SCLT1: variants seen among roughly 807,000 people sequenced by gnomAD.
SCLT1 encodes sodium channel-associated protein 1.
Under a neutral mutation model 112.8 loss-of-function variants are expected in SCLT1, and 78 were observed. The observed-to-expected ratio is 0.69, with a 90% CI of 0.58 to 0.83. SCLT1 has a LOEUF of 0.83. SCLT1 is among the 40% of genes least tolerant of loss of function. SCLT1 has a pLI of 0.00. For synonymous variants in SCLT1, 257 were observed against 254.7 expected (o/e 1.01, Z -0.09); for missense variants, 747 against 770.4 (o/e 0.97, Z 0.36).
intron 2 of SCLT1, among the ~76,000 whole-genome samples, chr4:129,076,029 C>T (rs1751434284): frequency 6.6e-6 from 1 of 152,126 alleles, no homozygotes; most frequent in Middle Eastern, 3.4e-3. Flanking sequence ...CTTCTATGAC[C>T]TTTCTATCAA....
intron 13 of SCLT1, 125 bp from the exon 14 acceptor site, chr4:128,952,965 A>G: frequency 1.6e-6 from 1 of 625,660 alleles, no homozygotes; most frequent in East Asian, 2.8e-5. Context: ...TAAAAGACAA[A>G]TAAGCACATA....
intron 10 of SCLT1, among the ~76,000 whole-genome samples, chr4:128,966,302 A>C (rs926838438): frequency 6.6e-6 from 1 of 151,952 alleles, no homozygotes; most frequent in Non-Finnish European, 1.5e-5. Flanking sequence ...GCTTTTAGCT[A>C]TATCTGTTTG....
chr4:128,954,647 T>C (rs537371226), intron 13 of SCLT1, among the ~76,000 whole-genome samples: 1 of 152,198 alleles, frequency 6.6e-6, no homozygotes. Flanking sequence ...ATGTAGACTT[T>C]TCCTATGAAT....
chr4:128,882,868 C>T (rs552517723), downstream of SCLT1, among the ~76,000 whole-genome samples: 1 of 152,118 alleles, frequency 6.6e-6, no homozygotes, highest in Admixed American at 6.5e-5. Context: ...ATGCAGATGC[C>T]AGACACGGTG....
chr4:128,981,188 T>G (rs893110365), intron 9 of SCLT1, among the ~76,000 whole-genome samples: 1 of 152,154 alleles, frequency 6.6e-6, no homozygotes, highest in Non-Finnish European at 1.5e-5. Context: ...TGGTAAGATA[T>G]CAGATCTAAC....
intron 8 of SCLT1, among the ~76,000 whole-genome samples, chr4:128,992,456 T>C (rs984743902): frequency 6.6e-6 from 1 of 151,944 alleles, no homozygotes; most frequent in African/African-American, 2.4e-5. Context: ...CATTCCTGTC[T>C]TATGGCTTTC....
chr4:129,043,328 G>A (rs1277251536), intron 4 of SCLT1, 67 bp downstream of exon 4: 2 of 797,626 alleles, frequency 2.5e-6, no homozygotes, highest in Non-Finnish European at 4.2e-6. Context: ...TTAAAAAGAG[G>A]GAGTCTATTT....
At chr4:128,923,670 T>C (rs1736058355) in intron 18 of SCLT1, among the ~76,000 whole-genome samples, 1 of 151,876 alleles carries the variant, frequency 6.6e-6, no homozygotes, top group African/African-American at 2.4e-5. Context: ...TTGAGATTCA[T>C]CCATGTTGTT....
intron 4 of SCLT1, among the ~76,000 whole-genome samples, chr4:129,040,687 A>G (rs899396523): frequency 6.6e-6 from 1 of 152,152 alleles, no homozygotes; most frequent in African/African-American, 2.4e-5. Flanking sequence ...CTTCCCTACT[A>G]TTTATATTTT....
At chr4:128,885,453 T>A (rs575553337) in intron 20 of SCLT1, among the ~76,000 whole-genome samples, 68 of 152,334 alleles carry the variant, frequency 4.5e-4, no homozygotes, top group African/African-American at 1.6e-3. Flanking sequence ...ACACTTTTCA[T>A]CTTGTGTTTT....
At chr4:129,017,119 T>C (rs945781593) in intron 5 of SCLT1, among the ~76,000 whole-genome samples, 7 of 152,168 alleles carry the variant, frequency 4.6e-5, no homozygotes, top group Non-Finnish European at 1.0e-4. Context: ...CTTGAAAATA[T>C]AGCTTAAAAA....
chr4:129,043,865 G>C, intron 3 of SCLT1, 128 bp downstream of exon 3: 1 of 603,370 alleles, frequency 1.7e-6, no homozygotes. Flanking sequence ...GCTTTTTCTT[G>C]TCAATTCAAG....
chr4:129,041,141 A>C (rs1747664374), intron 4 of SCLT1, among the ~76,000 whole-genome samples: 1 of 152,234 alleles, frequency 6.6e-6, no homozygotes, highest in South Asian at 2.1e-4. Flanking sequence ...CAGCAACTTT[A>C]AATTCACTAG....
chr4:128,906,876 T>C (rs550523162), intron 18 of SCLT1, among the ~76,000 whole-genome samples: 34 of 152,140 alleles, frequency 2.2e-4, no homozygotes, highest in Non-Finnish European at 4.7e-4. Context: ...AGGCTTAAAA[T>C]AGGTAGCAAA....
intron 2 of SCLT1, among the ~76,000 whole-genome samples, chr4:129,070,207 CT>C (rs776654741): frequency 5.7e-4 from 87 of 152,188 alleles, no homozygotes; most frequent in Admixed American, 9.2e-4. Flanking sequence ...GGACATTGGT[CT>C]GTAGTTTTCT....
intron 18 of SCLT1, among the ~76,000 whole-genome samples, chr4:128,904,449 A>C (rs891064762): frequency 2.0e-5 from 3 of 152,196 alleles, no homozygotes; most frequent in African/African-American, 7.2e-5. Flanking sequence ...GTATGTATTA[A>C]AAAATTAAAT....
chr4:128,947,248 T>C (rs1379140338), intron 15 of SCLT1, among the ~76,000 whole-genome samples: 8 of 152,192 alleles, frequency 5.3e-5, no homozygotes. Context: ...AAAAGCCTTT[T>C]CCTTAACCTT....
intron 9 of SCLT1, among the ~76,000 whole-genome samples, chr4:128,975,039 A>AATTTTTTTTTTTT (rs1579564140): frequency 1.7e-5 from 1 of 60,132 alleles, no homozygotes; most frequent in African/African-American, 1.2e-4. Flanking sequence ...TTGAATGACA[A>AATTTTTTTTTTTT]CTTTTTTTTT....
At chr4:128,897,055 C>T (rs576501683) in intron 18 of SCLT1, among the ~76,000 whole-genome samples, 18 of 152,268 alleles carry the variant, frequency 1.2e-4, no homozygotes, top group Non-Finnish European at 2.4e-4. Flanking sequence ...GATTGGTGTA[C>T]CTGAAAGTGA....
Sources: allele counts gnomAD v4.1 joint callset (sites outside exome capture counted in the v4.1 genomes callset), GRCh38; gene constraint gnomAD v4.1.1; transcripts MANE v1.5; gene names NCBI Gene and HGNC (gene_info 2026-07-23, HGNC 2026-07-21).